The following KLHL1 variants were observed in gnomAD, a reference collection of about 807,000 sequenced individuals.
KLHL1 encodes kelch like family member 1, also known as kelch-like protein 1.
In KLHL1, 47 loss-of-function variants were observed where a neutral mutation model predicts 77.7. That is an observed-to-expected ratio of 0.60 (90% CI 0.48 to 0.77). The LOEUF is 0.77. Ranked by LOEUF, KLHL1 falls within the 30% of genes least tolerant of loss-of-function variation. The probability of loss-of-function intolerance (pLI) is 0.00; values close to 1 mark genes in which losing one functional copy is unlikely to be tolerated. For synonymous variants in KLHL1, 360 were observed against 325.2 expected, an observed-to-expected ratio of 1.11 and a Z score of -1.15; for missense variants, 925 against 910.8, an observed-to-expected ratio of 1.02 and a Z score of -0.20.
intron 1 of KLHL1, among the ~76,000 whole-genome samples, chr13:70,065,449 T>C (rs1374809453): frequency 1.3e-5 from 2 of 152,140 alleles, no homozygotes; most frequent in African/African-American, 2.4e-5. Flanking sequence ...TGGGGAGATA[T>C]GGAAAGCATT....
At chr13:69,929,869 C>T (rs554416010) in intron 4 of KLHL1, among the ~76,000 whole-genome samples, 1 of 151,836 alleles carries the variant, frequency 6.6e-6, no homozygotes, top group Non-Finnish European at 1.5e-5. Flanking sequence ...CATATATACT[C>T]AGGACTTTGT....
intron 4 of KLHL1, among the ~76,000 whole-genome samples, chr13:69,927,475 C>A (rs1326769657): frequency 2.0e-5 from 3 of 152,054 alleles, no homozygotes; most frequent in Non-Finnish European, 4.4e-5. Context: ...TGAGAAGCGA[C>A]CCACAAAATT....
intron 1 of KLHL1, among the ~76,000 whole-genome samples, chr13:70,009,739 A>G (rs759391554): frequency 6.6e-6 from 1 of 152,166 alleles, no homozygotes; most frequent in African/African-American, 2.4e-5. Context: ...CTATTCATTA[A>G]TCCATTCATT....
At chr13:70,090,785 C>A (rs1706787575) in intron 1 of KLHL1, among the ~76,000 whole-genome samples, 1 of 152,054 alleles carries the variant, frequency 6.6e-6, no homozygotes, top group Non-Finnish European at 1.5e-5. Context: ...AATGGAATAT[C>A]AAGGTTAAGG....
At chr13:70,017,849 C>A (rs955647788) in intron 1 of KLHL1, among the ~76,000 whole-genome samples, 3 of 152,022 alleles carry the variant, frequency 2.0e-5, no homozygotes, top group African/African-American at 7.2e-5. Flanking sequence ...CTGGATAGGG[C>A]AAGAGATAAT....
chr13:69,723,752 G>A (rs1421488051), intron 8 of KLHL1, among the ~76,000 whole-genome samples: 1 of 151,942 alleles, frequency 6.6e-6, no homozygotes, highest in Non-Finnish European at 1.5e-5. Context: ...TCATCTACAT[G>A]ATAAAACCTA....
chr13:69,770,111 C>A (rs951131728), intron 7 of KLHL1, among the ~76,000 whole-genome samples: 2 of 152,122 alleles, frequency 1.3e-5, no homozygotes, highest in African/African-American at 4.8e-5. Context: ...CAGGAGAGAG[C>A]TATAACACCC....
intron 5 of KLHL1, among the ~76,000 whole-genome samples, chr13:69,858,280 G>A (rs144274324): frequency 1.5e-3 from 222 of 152,204 alleles, no homozygotes; most frequent in African/African-American, 4.8e-3. Flanking sequence ...AAGACTGGGG[G>A]TTGGGTGAGA....
chr13:70,018,524 C>T (rs898754583), intron 1 of KLHL1, among the ~76,000 whole-genome samples: 1 of 152,144 alleles, frequency 6.6e-6, no homozygotes, highest in East Asian at 1.9e-4. Context: ...CAGAGAGACA[C>T]GTTTCTAGTG....
rs1047528642 is a variant in KLHL1 at position 70,093,358 on chromosome 13, G to A, written c.497+13845C>T. On this transcript the variant is annotated intron_variant, in intron 1 of 10. Coordinates refer to ENST00000377844, the MANE Select transcript of KLHL1 (RefSeq NM_020866.3). Reference sequence around the variant, plus strand: ...CATACCTTCAAAGACCAAACCAGATGGGGCATCTCTGAAGTACTTTTAGGT... The same window carrying A: ...CATACCTTCAAAGACCAAACCAGATAGGGCATCTCTGAAGTACTTTTAGGT... 4.6e-5 allele frequency among the ~76,000 whole-genome samples: 7 copies of A among 152,168 alleles called. No homozygotes were observed. The South Asian group carries it at 1.2e-3, about 27-fold the overall frequency.
At chr13:70,074,959 TA>T (rs1887226251) in intron 1 of KLHL1, among the ~76,000 whole-genome samples, 1 of 152,048 alleles carries the variant, frequency 6.6e-6, no homozygotes, top group South Asian at 2.1e-4. Context: ...AATGAAAATT[TA>T]AAATACCATT....
chr13:69,791,758 A>G (rs772722048), intron 7 of KLHL1, among the ~76,000 whole-genome samples: 1 of 152,170 alleles, frequency 6.6e-6, no homozygotes, highest in Non-Finnish European at 1.5e-5. Flanking sequence ...CATGACAAAT[A>G]CAAAAATAAC....
chr13:69,783,080 C>A (rs955580004), intron 7 of KLHL1, among the ~76,000 whole-genome samples: 4 of 152,186 alleles, frequency 2.6e-5, no homozygotes, highest in Non-Finnish European at 5.9e-5. Context: ...TGGAGTGGAC[C>A]TCTAGCAAAT....
chr13:69,911,979 A>C (rs1407754762), intron 4 of KLHL1, among the ~76,000 whole-genome samples: 1 of 152,174 alleles, frequency 6.6e-6, no homozygotes, highest in Non-Finnish European at 1.5e-5. Context: ...GTATAAGTGG[A>C]AGTGTAAACC....
intron 3 of KLHL1, among the ~76,000 whole-genome samples, chr13:69,953,441 G>A (rs375834887): frequency 1.3e-5 from 2 of 151,038 alleles, no homozygotes; most frequent in Admixed American, 1.3e-4. Flanking sequence ...AATAACTCTA[G>A]ATCTAGTAGA....
chr13:69,968,688 G>C (rs1397779478), intron 2 of KLHL1, among the ~76,000 whole-genome samples: 1 of 152,074 alleles, frequency 6.6e-6, no homozygotes, highest in Non-Finnish European at 1.5e-5. Context: ...CTGCAGAATG[G>C]AGCAGGGTAA....
Position 69,772,556 on chromosome 13 carries a change from C to A in KLHL1, c.1639+24182G>T, listed in dbSNP as rs146561518. ...TGAACTAAATTGAATTAAACTGTGC[C>A]CCTGTTTTCTAAATCTACTCTAGTT... is the stretch of plus-strand genomic sequence containing the variant. On this transcript the variant is annotated intron_variant, in intron 7 of 10. Coordinates refer to ENST00000377844, the MANE Select transcript of KLHL1 (RefSeq NM_020866.3). Among the ~76,000 whole-genome samples the A allele has an allele frequency of 7.4e-4, 112 of 152,036 alleles. 1 individual carries two copies. Among genetic ancestry groups the A allele is most frequent in the African/African-American group, 2.7e-3 (110 of 41,482 alleles).
chr13:69,931,077 C>T (rs1416574172), intron 4 of KLHL1, among the ~76,000 whole-genome samples: 2 of 149,636 alleles, frequency 1.3e-5, no homozygotes, highest in African/African-American at 5.1e-5. Flanking sequence ...ATTAGAAACA[C>T]TACTTTATAA....
At chr13:69,903,814 G>C (rs887168987) in intron 4 of KLHL1, among the ~76,000 whole-genome samples, 2 of 151,094 alleles carry the variant, frequency 1.3e-5, no homozygotes, top group Non-Finnish European at 3.0e-5. Flanking sequence ...GCTAATTTTT[G>C]TATTTTTAGT....
Sources: allele counts gnomAD v4.1 joint callset (sites outside exome capture counted in the v4.1 genomes callset), GRCh38; gene constraint gnomAD v4.1.1; transcripts MANE v1.5; gene names NCBI Gene and HGNC (gene_info 2026-07-23, HGNC 2026-07-21).